TAFA1: variants seen among roughly 807,000 people sequenced by gnomAD.
TAFA1 encodes the protein TAFA chemokine like family member 1.
TAFA1 carries 4 observed loss-of-function variants against 18.5 expected under a neutral mutation model. That is an observed-to-expected ratio of 0.22 (90% CI 0.11 to 0.49). The LOEUF (loss-of-function observed/expected upper bound fraction) is 0.49, where lower values mean the gene tolerates loss of function less well. TAFA1 is among the 20% of genes least tolerant of loss of function. TAFA1 has a pLI of 0.98. For synonymous variants in TAFA1, 56 were observed against 55.2 expected (o/e 1.01, Z -0.06); for missense variants, 147 against 169.0 (o/e 0.87, Z 0.72).
intron 2 of TAFA1, among the ~76,000 whole-genome samples, chr3:68,080,819 T>C (rs2064888435): frequency 6.6e-6 from 1 of 152,176 alleles, no homozygotes; most frequent in Non-Finnish European, 1.5e-5. Flanking sequence ...AGGAGTACCT[T>C]TGTGGTGTTC....
intron 2 of TAFA1, among the ~76,000 whole-genome samples, chr3:68,372,771 C>G (rs2069736273): frequency 6.6e-6 from 1 of 151,638 alleles, no homozygotes; most frequent in Non-Finnish European, 1.5e-5. Context: ...AGACAGAAAA[C>G]AATACATTTA....
At chr3:68,053,095 T>G (rs2064491713) in intron 2 of TAFA1, among the ~76,000 whole-genome samples, 1 of 152,202 alleles carries the variant, frequency 6.6e-6, no homozygotes, top group Admixed American at 6.5e-5. Flanking sequence ...GAGTATCTGT[T>G]AAACTTCATC....
At chr3:68,143,534 C>A (rs116888264) in intron 2 of TAFA1, among the ~76,000 whole-genome samples, 1 of 152,104 alleles carries the variant, frequency 6.6e-6, no homozygotes, top group Non-Finnish European at 1.5e-5. Flanking sequence ...AATTCCTTGT[C>A]GTGGGGACTG....
chr3:68,541,257 C>G (rs1006159835), intron 4 of TAFA1, among the ~76,000 whole-genome samples: 7 of 152,114 alleles, frequency 4.6e-5, no homozygotes, highest in African/African-American at 1.7e-4. Context: ...CATACGTCCT[C>G]CCTCCTCCCT....
At chr3:68,385,316 G>T (rs1393378914) in intron 2 of TAFA1, among the ~76,000 whole-genome samples, 1 of 152,052 alleles carries the variant, frequency 6.6e-6, no homozygotes, top group Non-Finnish European at 1.5e-5. Context: ...AAACAACATG[G>T]CGTTTCCCCA....
chr3:68,255,528 A>G (rs2067280723), intron 2 of TAFA1, among the ~76,000 whole-genome samples: 1 of 152,074 alleles, frequency 6.6e-6, no homozygotes. Flanking sequence ...GAAGGGACCT[A>G]TATATCCCAC....
At chr3:68,202,448 T>C (rs1366700316) in intron 2 of TAFA1, among the ~76,000 whole-genome samples, 2 of 151,808 alleles carry the variant, frequency 1.3e-5, no homozygotes, top group African/African-American at 4.8e-5. Context: ...TGTCTGTGAC[T>C]CTTTTTCTGC....
chr3:68,005,648 C>G (rs1422667188), intron 1 of TAFA1, among the ~76,000 whole-genome samples: 4 of 152,188 alleles, frequency 2.6e-5, no homozygotes, highest in African/African-American at 9.7e-5. Flanking sequence ...AGAAAGAAAT[C>G]TTCCAAAGCC....
intron 2 of TAFA1, among the ~76,000 whole-genome samples, chr3:68,045,475 C>A (rs1258304827): frequency 1.5e-4 from 23 of 152,064 alleles, no homozygotes. Flanking sequence ...GATACATAGT[C>A]AGGAAATGTG....
At chr3:68,347,770 A>T (rs964552653) in intron 2 of TAFA1, among the ~76,000 whole-genome samples, 2 of 152,216 alleles carry the variant, frequency 1.3e-5, no homozygotes, top group Non-Finnish European at 2.9e-5. Context: ...CATATCATAT[A>T]TTCTAGCAAC....
intron 2 of TAFA1, among the ~76,000 whole-genome samples, chr3:68,257,332 T>C (rs2107182532): frequency 6.6e-6 from 1 of 152,292 alleles, no homozygotes; most frequent in African/African-American, 2.4e-5. Flanking sequence ...CCTTTTCCTT[T>C]GTATAACTTA....
intron 2 of TAFA1, among the ~76,000 whole-genome samples, chr3:68,055,621 G>T (rs972151411): frequency 6.6e-6 from 1 of 151,960 alleles, no homozygotes. Context: ...CCTCCTAGGT[G>T]AAGCTTCTGC....
At chr3:68,057,927 C>T (rs955133192) in intron 2 of TAFA1, among the ~76,000 whole-genome samples, 2 of 152,170 alleles carry the variant, frequency 1.3e-5, no homozygotes, top group Non-Finnish European at 2.9e-5. Flanking sequence ...AGGAGTGCAG[C>T]CCTGCTGACA....
At chr3:68,094,639 A>C (rs2065066202) in intron 2 of TAFA1, among the ~76,000 whole-genome samples, 1 of 152,128 alleles carries the variant, frequency 6.6e-6, no homozygotes, top group Non-Finnish European at 1.5e-5. Context: ...GTTCTCATGG[A>C]AGGATAGAAG....
intron 3 of TAFA1, among the ~76,000 whole-genome samples, chr3:68,470,062 T>A (rs1161118289): frequency 6.6e-6 from 1 of 152,134 alleles, no homozygotes; most frequent in Non-Finnish European, 1.5e-5. Flanking sequence ...TGAAGATAAT[T>A]GAATCATGGG....
At chr3:68,308,426 A>G (rs2068457253) in intron 2 of TAFA1, among the ~76,000 whole-genome samples, 1 of 152,122 alleles carries the variant, frequency 6.6e-6, no homozygotes, top group African/African-American at 2.4e-5. Context: ...TGAATTTGCT[A>G]TCTCTTGTAC....
chr3:68,074,402 A>C (rs2064798763), intron 2 of TAFA1, among the ~76,000 whole-genome samples: 1 of 152,170 alleles, frequency 6.6e-6, no homozygotes, highest in South Asian at 2.1e-4. Context: ...GCTTAACGGA[A>C]GACTCTGATG....
At chr3:68,166,773 G>C (rs1026562443) in intron 2 of TAFA1, among the ~76,000 whole-genome samples, 4 of 152,102 alleles carry the variant, frequency 2.6e-5, no homozygotes, top group Admixed American at 1.3e-4. Flanking sequence ...GAATCAAATG[G>C]AGGGCAGAAC....
intron 2 of TAFA1, among the ~76,000 whole-genome samples, chr3:68,409,879 C>A (rs866531737): frequency 6.6e-6 from 1 of 152,166 alleles, no homozygotes; most frequent in South Asian, 2.1e-4. Context: ...TTTTAGTCAT[C>A]TGCCTGCCAG....
Sources: gnomAD v4.1 joint callset for allele counts (sites outside exome capture counted in the v4.1 genomes callset) on GRCh38, gnomAD v4.1.1 for gene constraint, MANE v1.5 for transcripts, NCBI Gene and HGNC (gene_info 2026-07-23, HGNC 2026-07-21) for gene names.